ENTREP2: variants seen among roughly 807,000 people sequenced by gnomAD.
The protein encoded by ENTREP2 is protein ENTREP2.
the ENTREP2 span, among the ~76,000 whole-genome samples, chr15:29,566,189 T>C: frequency 5.9e-5 from 9 of 151,732 alleles, no homozygotes; most frequent in African/African-American, 2.2e-4. Context: ...AGACAGAGTC[T>C]TACTCCATCG....
the ENTREP2 span, among the ~76,000 whole-genome samples, chr15:29,310,721 A>AG: frequency 1.0e-4 from 10 of 96,792 alleles, no homozygotes; most frequent in African/African-American, 1.9e-3. Flanking sequence ...AGGTCAGCAG[A>AG]AACAGAGCTT....
At chr15:29,500,588 G>A in the ENTREP2 span, among the ~76,000 whole-genome samples, 2 of 151,996 alleles carry the variant, frequency 1.3e-5, 1 homozygote, top group South Asian at 4.1e-4. Context: ...TCATATCAGA[G>A]TTTAATCCAT....
the ENTREP2 span, among the ~76,000 whole-genome samples, chr15:29,399,954 G>C: frequency 6.6e-6 from 1 of 152,164 alleles, no homozygotes; most frequent in Non-Finnish European, 1.5e-5. Context: ...TGCCATTTCA[G>C]GGTGGCAGAG....
the ENTREP2 span, among the ~76,000 whole-genome samples, chr15:29,163,166 T>G: frequency 2.6e-5 from 4 of 152,142 alleles, no homozygotes; most frequent in Non-Finnish European, 5.9e-5. Context: ...AACAACAGCC[T>G]TCAGCCCTAG....
chr15:29,499,835 T>C, the ENTREP2 span, among the ~76,000 whole-genome samples: 1 of 152,148 alleles, frequency 6.6e-6, no homozygotes, highest in Non-Finnish European at 1.5e-5. Flanking sequence ...CTTGTGGAAC[T>C]GTATGCTGTC....
the ENTREP2 span, among the ~76,000 whole-genome samples, chr15:29,431,591 A>G: frequency 6.6e-6 from 1 of 152,168 alleles, no homozygotes; most frequent in Non-Finnish European, 1.5e-5. Context: ...AACATATATA[A>G]CCATTTTTCT....
chr15:29,161,529 A>G, the ENTREP2 span, among the ~76,000 whole-genome samples: 1 of 152,254 alleles, frequency 6.6e-6, no homozygotes, highest in African/African-American at 2.4e-5. Flanking sequence ...GCTTGAAAGT[A>G]GGTTAAAAGC....
chr15:29,601,169 T>A, the ENTREP2 span, among the ~76,000 whole-genome samples: 25,907 of 147,622 alleles, frequency 0.18, 2,018 homozygotes, highest in Middle Eastern at 0.34. Flanking sequence ...AGTGCTGGGA[T>A]TACAGGCGTG....
At chr15:29,393,300 C>T in the ENTREP2 span, among the ~76,000 whole-genome samples, 2 of 152,198 alleles carry the variant, frequency 1.3e-5, no homozygotes, top group Non-Finnish European at 2.9e-5. Context: ...CTGCCAGTAA[C>T]AGGAATGCAC....
chr15:29,423,354 A>G, the ENTREP2 span, among the ~76,000 whole-genome samples: 1 of 152,224 alleles, frequency 6.6e-6, no homozygotes, highest in Non-Finnish European at 1.5e-5. Context: ...CTATACATAT[A>G]AATAGTACAC....
At chr15:29,186,643 G>A in the ENTREP2 span, among the ~76,000 whole-genome samples, 36 of 152,170 alleles carry the variant, frequency 2.4e-4, no homozygotes, top group Admixed American at 9.2e-4. Flanking sequence ...AATTACCACC[G>A]GCACCATAGG....
the ENTREP2 span, among the ~76,000 whole-genome samples, chr15:29,574,636 T>C: frequency 6.6e-6 from 1 of 152,194 alleles, no homozygotes; most frequent in South Asian, 2.1e-4. Context: ...TGGCTGAGCT[T>C]CTTGCTGAAA....
the ENTREP2 span, chr15:29,252,346 G>T: frequency 1.6e-5 from 23 of 1,394,708 alleles, no homozygotes; most frequent in Non-Finnish European, 2.3e-5. Flanking sequence ...CTTTATGAAA[G>T]GGTTTGCATT....
At chr15:29,547,390 C>G in the ENTREP2 span, among the ~76,000 whole-genome samples, 1 of 151,946 alleles carries the variant, frequency 6.6e-6, no homozygotes, top group Non-Finnish European at 1.5e-5. Flanking sequence ...ACCTGGCCCA[C>G]ATTGATTCTA....
the ENTREP2 span, among the ~76,000 whole-genome samples, chr15:29,228,103 G>A: frequency 3.9e-5 from 6 of 152,190 alleles, no homozygotes; most frequent in East Asian, 1.9e-4. Flanking sequence ...AGGCTGAGGC[G>A]GGTGGATCAG....
At chr15:29,478,019 ATTTTTTTT>A in the ENTREP2 span, among the ~76,000 whole-genome samples, 3 of 54,282 alleles carry the variant, frequency 5.5e-5, no homozygotes, top group Admixed American at 3.0e-4. Context: ...ATATATATAT[ATTTTTTTT>A]TTTTTTTTTT....
At chr15:29,356,214 A>G in the ENTREP2 span, among the ~76,000 whole-genome samples, 1 of 146,260 alleles carries the variant, frequency 6.8e-6, no homozygotes, top group Non-Finnish European at 1.5e-5. Context: ...TGAAAAATCA[A>G]CAAGATGGTC....
At chr15:29,131,362 A>G in the ENTREP2 span, among the ~76,000 whole-genome samples, 9 of 151,908 alleles carry the variant, frequency 5.9e-5, no homozygotes, top group African/African-American at 2.2e-4. Flanking sequence ...TCTCGCACTC[A>G]GGTTCCCTTC....
At chr15:29,269,488 G>A in the ENTREP2 span, 3 of 1,609,218 alleles carry the variant, frequency 1.9e-6, no homozygotes, top group Non-Finnish European at 1.7e-6. Flanking sequence ...GGCGGGGGCG[G>A]CCTGGGCCCG....
Sources: allele counts gnomAD v4.1 joint callset (sites outside exome capture counted in the v4.1 genomes callset), GRCh38; gene constraint gnomAD v4.1.1; transcripts MANE v1.5; gene names NCBI Gene and HGNC (gene_info 2026-07-23, HGNC 2026-07-21).